Variants in CNTN6 observed in about 807,000 individuals in gnomAD.
CNTN6 encodes the protein contactin-6.
In CNTN6, 137 loss-of-function variants were observed where a neutral mutation model predicts 122.8. That is an observed-to-expected ratio of 1.12 (90% CI 0.97 to 1.29). CNTN6 has a LOEUF of 1.29. CNTN6 is among the 50% of genes most tolerant of loss of function. The probability of loss-of-function intolerance (pLI) is 0.00; values close to 1 mark genes in which losing one functional copy is unlikely to be tolerated. For missense variants in CNTN6, 1,634 were observed against 1,223.4 expected (o/e 1.34, Z -5.01); for synonymous variants, 570 against 426.0 (o/e 1.34, Z -4.16).
At chr3:1,332,214 C>A (rs187041818) in intron 11 of CNTN6, among the ~76,000 whole-genome samples, 8 of 151,890 alleles carry the variant, frequency 5.3e-5, no homozygotes, top group African/African-American at 1.7e-4. Flanking sequence ...CATCTCCACC[C>A]GGTAGAGATT....
rs1028067926 is a variant in CNTN6 at position 1,275,148 on chromosome 3, C to CT, written c.359-3263dup. On this transcript the variant is annotated intron_variant, in intron 4 of 22. Coordinates refer to ENST00000446702, the MANE Select transcript of CNTN6 (RefSeq NM_001289080.2). ...ATCACCCTTCAGGCTTTACAAGGAC[C>CT]TTATTTTATCTGTGTCCTGAATCGT... is the stretch of plus-strand genomic sequence containing the variant. 1.4e-3 allele frequency among the ~76,000 whole-genome samples: 218 copies of CT among 152,264 alleles called. 1 individual carries two copies. Among genetic ancestry groups the CT allele is most frequent in the African/African-American group, 5.0e-3 (206 of 41,566 alleles).
In CNTN6 at chr3:1,123,300, A is replaced by G. The variant is rs542497775; in HGVS notation, c.-82-24627A>G. Among the ~76,000 whole-genome samples the G allele has an allele frequency of 2.0e-5, 3 of 151,942 alleles. No individual in the cohort carries two copies. The East Asian group carries it at 5.8e-4, about 29-fold the overall frequency. Reference sequence around the variant, plus strand: ...ATGAACATAAGATATCTTTCTATTTATTAGATCTTCTTTAATTAATGTCAG... The same window carrying G: ...ATGAACATAAGATATCTTTCTATTTGTTAGATCTTCTTTAATTAATGTCAG... On this transcript the variant is annotated intron_variant, in intron 1 of 22. Coordinates refer to ENST00000446702, the MANE Select transcript of CNTN6 (RefSeq NM_001289080.2).
At chr3:1,280,846 A>G (rs1693281878) in intron 5 of CNTN6, among the ~76,000 whole-genome samples, 1 of 152,142 alleles carries the variant, frequency 6.6e-6, no homozygotes, top group Admixed American at 6.5e-5. Flanking sequence ...CTTGCTGTTA[A>G]GGTCCCTGTT....
intron 11 of CNTN6, among the ~76,000 whole-genome samples, chr3:1,335,778 C>T (rs1702960807): frequency 1.3e-5 from 2 of 152,086 alleles, no homozygotes; most frequent in Non-Finnish European, 2.9e-5. Flanking sequence ...CCTGTAATCC[C>T]AGCACTTTGG....
At chr3:1,389,507 A>C (rs897147085) in intron 20 of CNTN6, among the ~76,000 whole-genome samples, 16 of 152,256 alleles carry the variant, frequency 1.1e-4, no homozygotes, top group African/African-American at 3.4e-4. Context: ...GCATCAACTA[A>C]CGAGCAAAAT....
At chr3:1,109,004 G>A (rs141678577) in intron 1 of CNTN6, among the ~76,000 whole-genome samples, 22 of 152,098 alleles carry the variant, frequency 1.4e-4, no homozygotes, top group African/African-American at 4.3e-4. Flanking sequence ...GTTTATGTGT[G>A]TTTAGTCTGT....
At chr3:1,193,871 T>C (rs1218516794) in intron 2 of CNTN6, among the ~76,000 whole-genome samples, 2 of 152,154 alleles carry the variant, frequency 1.3e-5, no homozygotes, top group African/African-American at 2.4e-5. Context: ...AGTGTTCAGA[T>C]CAATACGTTT....
At chr3:1,336,582 T>C (rs1294445251) in intron 11 of CNTN6, among the ~76,000 whole-genome samples, 1 of 152,150 alleles carries the variant, frequency 6.6e-6, no homozygotes, top group Non-Finnish European at 1.5e-5. Context: ...TATATATATT[T>C]GCAGACAGGT....
intron 2 of CNTN6, among the ~76,000 whole-genome samples, chr3:1,155,303 C>G (rs1038363016): frequency 6.6e-6 from 1 of 152,104 alleles, no homozygotes; most frequent in Admixed American, 6.5e-5. Flanking sequence ...ACGCATGGTA[C>G]GCACTCAATA....
intron 1 of CNTN6, among the ~76,000 whole-genome samples, chr3:1,134,508 C>T (rs1043429718): frequency 1.3e-5 from 2 of 152,004 alleles, no homozygotes; most frequent in African/African-American, 4.8e-5. Flanking sequence ...TGCTAGTAGC[C>T]CGTGATACTC....
chr3:1,253,419 G>T (rs1304719357), intron 4 of CNTN6, among the ~76,000 whole-genome samples: 2 of 152,160 alleles, frequency 1.3e-5, no homozygotes, highest in Non-Finnish European at 2.9e-5. Flanking sequence ...ATTATTATAT[G>T]TTGATAAATG....
Position 1,295,676 on chromosome 3 carries a change from A to C in CNTN6, c.530A>C (p.Glu177Ala). 1 of 1,614,032 alleles carries C rather than the reference A, an allele frequency of 6.2e-7. No individual in the cohort carries two copies. The highest frequency in any genetic ancestry group is 2.2e-5 in the East Asian group (1 of 44,878). ...QEDNRRFVSQ[E>A]TGNLYIAKVE... is the part of the protein sequence containing the mutation. ...GACAATAGGCGATTTGTATCTCAAG[A>C]GACGGGAAACTTGTACATTGCCAAA... The change falls in exon 6 of 23, where the codon GAG becomes GCG. Residue 177 changes from glutamate (E) to alanine (A), a missense_variant. By Grantham distance (107) the Glu-to-Ala change is moderately radical (BLOSUM62 -1). Coordinates refer to ENST00000446702, the MANE Select transcript of CNTN6 (RefSeq NM_001289080.2).
chr3:1,174,596 TGTA>T (rs946342977), intron 2 of CNTN6, among the ~76,000 whole-genome samples: 1 of 152,196 alleles, frequency 6.6e-6, no homozygotes, highest in African/African-American at 2.4e-5. Context: ...AGATTATAAT[TGTA>T]GTACAAAGTA....
intron 1 of CNTN6, among the ~76,000 whole-genome samples, chr3:1,139,699 G>A (rs1198424799): frequency 6.6e-6 from 1 of 152,150 alleles, no homozygotes; most frequent in Non-Finnish European, 1.5e-5. Flanking sequence ...CAGATTTGGA[G>A]AGACTCCAGG....
intron 7 of CNTN6, among the ~76,000 whole-genome samples, chr3:1,321,119 C>T (rs996859554): frequency 6.6e-6 from 1 of 151,346 alleles, no homozygotes; most frequent in South Asian, 2.1e-4. Context: ...CTCACCCATC[C>T]CATGTCTTCA....
chr3:1,274,538 A>G (rs1293288507), intron 4 of CNTN6, among the ~76,000 whole-genome samples: 1 of 152,174 alleles, frequency 6.6e-6, no homozygotes, highest in Non-Finnish European at 1.5e-5. Flanking sequence ...TTCTCAATTT[A>G]CATATCAGAT....
chr3:1,340,549 G>C (rs1559870474), intron 11 of CNTN6, among the ~76,000 whole-genome samples: 2 of 152,120 alleles, frequency 1.3e-5, no homozygotes, highest in Non-Finnish European at 2.9e-5. Context: ...TCAGTAAGCA[G>C]GTTAAAGTCG....
At chr3:1,220,539 G>A in intron 2 of CNTN6, 148 bp from the exon 3 acceptor site, 1 of 717,956 alleles carries the variant, frequency 1.4e-6, no homozygotes, top group South Asian at 4.0e-5. Flanking sequence ...AAAATTCTTT[G>A]TCCATTTTTG....
chr3:1,097,691 G>T (rs2090605740), intron 1 of CNTN6, among the ~76,000 whole-genome samples: 1 of 152,038 alleles, frequency 6.6e-6, no homozygotes, highest in South Asian at 2.1e-4. Context: ...TATTAGTATT[G>T]ACTTTACAGT....
Sources: gnomAD v4.1 joint callset for allele counts (sites outside exome capture counted in the v4.1 genomes callset) on GRCh38, gnomAD v4.1.1 for gene constraint, MANE v1.5 for transcripts, NCBI Gene and HGNC (gene_info 2026-07-23, HGNC 2026-07-21) for gene names.